The following GPR15LG variants were observed in gnomAD, a reference collection of about 807,000 sequenced individuals.
GPR15LG encodes G protein-coupled receptor 15 ligand, also known as protein GPR15LG.
chr10:84,184,155 T>C, the GPR15LG span, among the ~76,000 whole-genome samples: 1 of 134,114 alleles, frequency 7.5e-6, no homozygotes, highest in Admixed American at 7.2e-5. Flanking sequence ...CTCCCATCTT[T>C]CTTGAAAAAA....
the GPR15LG span, among the ~76,000 whole-genome samples, chr10:84,174,385 G>A: frequency 6.6e-6 from 1 of 151,992 alleles, no homozygotes; most frequent in African/African-American, 2.4e-5. Flanking sequence ...TGAAATGAAG[G>A]TGTGTGTGGT....
chr10:84,184,385 C>T, the GPR15LG span, among the ~76,000 whole-genome samples: 98,494 of 152,000 alleles, frequency 0.65, 33,637 homozygotes, highest in African/African-American at 0.85. Context: ...CCTCCCAGAC[C>T]TAAGGCAGCT....
chr10:84,177,090 A>G, the GPR15LG span, among the ~76,000 whole-genome samples: 1 of 152,184 alleles, frequency 6.6e-6, no homozygotes, highest in Non-Finnish European at 1.5e-5. Flanking sequence ...GGGTCCAGAG[A>G]GCCATAGCTT....
chr10:84,184,454 T>A, the GPR15LG span, among the ~76,000 whole-genome samples: 2 of 152,236 alleles, frequency 1.3e-5, no homozygotes, highest in East Asian at 3.9e-4. Flanking sequence ...ATCAATTAGG[T>A]TCCCTCTGAT....
the GPR15LG span, chr10:84,176,442 A>T: frequency 1.4e-6 from 2 of 1,462,676 alleles, no homozygotes; most frequent in South Asian, 1.1e-5. Flanking sequence ...AGACAAGCCC[A>T]CTAAAGACAG....
chr10:84,184,117 C>T, the GPR15LG span, among the ~76,000 whole-genome samples: 5 of 148,792 alleles, frequency 3.4e-5, no homozygotes, highest in East Asian at 4.0e-4. Flanking sequence ...GCCAGGAGTT[C>T]GTGACTAGCC....
the GPR15LG span, chr10:84,176,422 G>T: frequency 8.1e-7 from 1 of 1,229,804 alleles, no homozygotes. Flanking sequence ...GGAAGGGGAA[G>T]CTCACTCACA....
the GPR15LG span, among the ~76,000 whole-genome samples, chr10:84,177,254 GC>G: frequency 2.0e-5 from 3 of 152,240 alleles, no homozygotes; most frequent in Non-Finnish European, 2.9e-5. Flanking sequence ...AGGGCTGCGG[GC>G]ACCCAGTTCC....
the GPR15LG span, among the ~76,000 whole-genome samples, chr10:84,183,436 C>T: frequency 6.6e-6 from 1 of 152,018 alleles, no homozygotes; most frequent in African/African-American, 2.4e-5. Flanking sequence ...CTTAGTAACC[C>T]TTCTCATTCA....
the GPR15LG span, among the ~76,000 whole-genome samples, chr10:84,179,103 G>A: frequency 5.3e-5 from 8 of 152,198 alleles, no homozygotes; most frequent in African/African-American, 9.7e-5. Context: ...TGACTTCCCA[G>A]AAGGAAATAG....
At chr10:84,174,812 G>C in the GPR15LG span, among the ~76,000 whole-genome samples, 112 of 152,192 alleles carry the variant, frequency 7.4e-4, 1 homozygote, top group South Asian at 6.2e-4. Flanking sequence ...TCAGATAGCT[G>C]AGTGTTTCAA....
chr10:84,176,684 G>A, the GPR15LG span: 1 of 676,620 alleles, frequency 1.5e-6, no homozygotes, highest in Admixed American at 2.8e-5. Flanking sequence ...CTGGCTGGGA[G>A]GACATCTTTG....
chr10:84,184,623 C>A, the GPR15LG span: 1 of 1,560,644 alleles, frequency 6.4e-7, no homozygotes, highest in Non-Finnish European at 8.8e-7. Context: ...CACAACCTGG[C>A]TCTGACCTCG....
chr10:84,185,286 G>A, the GPR15LG span: 1 of 168,902 alleles, frequency 5.9e-6, no homozygotes, highest in Non-Finnish European at 1.2e-5. Flanking sequence ...TAAACTCAAT[G>A]CAGACACATC....
the GPR15LG span, chr10:84,173,989 T>C: frequency 7.9e-7 from 1 of 1,263,870 alleles, no homozygotes; most frequent in Non-Finnish European, 1.2e-6. Context: ...CTGATCAGGA[T>C]TTGTTGGAGG....
the GPR15LG span, chr10:84,173,875 C>A: frequency 1.4e-5 from 22 of 1,613,720 alleles, no homozygotes; most frequent in Non-Finnish European, 1.9e-5. Flanking sequence ...TCCTTTCCAG[C>A]CTGCTCTGTA....
chr10:84,181,298 C>G, the GPR15LG span, among the ~76,000 whole-genome samples: 2 of 149,444 alleles, frequency 1.3e-5, no homozygotes, highest in African/African-American at 5.0e-5. Context: ...TGACTGGTCT[C>G]TATCTATTGA....
At chr10:84,185,094 C>CAGGGTGGCAAGCACCCA in the GPR15LG span, 1 of 1,165,766 alleles carries the variant, frequency 8.6e-7, no homozygotes, top group Non-Finnish European at 1.1e-6. Flanking sequence ...TGCTAGAGTG[C>CAGGGTGGCAAGCACCCA]AGGGTGGCAA....
chr10:84,174,493 T>C, the GPR15LG span, among the ~76,000 whole-genome samples: 8,442 of 131,380 alleles, frequency 0.064, 341 homozygotes, highest in South Asian at 0.17. Flanking sequence ...TTTTCTTTTT[T>C]CTTTTTTTTT....
Sources: gnomAD v4.1 joint callset for allele counts (sites outside exome capture counted in the v4.1 genomes callset) on GRCh38, gnomAD v4.1.1 for gene constraint, MANE v1.5 for transcripts, NCBI Gene and HGNC (gene_info 2026-07-23, HGNC 2026-07-21) for gene names.